PDPR: variants seen among roughly 807,000 people sequenced by gnomAD.
The protein encoded by PDPR is pyruvate dehydrogenase phosphatase regulatory subunit.
PDPR carries 50 observed loss-of-function variants against 102.2 expected under a neutral mutation model. That is an observed-to-expected ratio of 0.49 (90% CI 0.39 to 0.62). The LOEUF (loss-of-function observed/expected upper bound fraction) is 0.62. Among genes scored for constraint, PDPR ranks in the 20% least tolerant of loss-of-function variants. PDPR has a pLI of 0.00. For synonymous variants in PDPR, 259 were observed against 406.0 expected, an observed-to-expected ratio of 0.64 and a Z score of 4.35; for missense variants, 625 against 1,098.2, an observed-to-expected ratio of 0.57 and a Z score of 6.09.
chr16:70,118,134 G>A (rs1175686107), intron 2 of PDPR, among the ~76,000 whole-genome samples: 3 of 152,022 alleles, frequency 2.0e-5, no homozygotes, highest in South Asian at 4.1e-4. Flanking sequence ...AGCAAAAAGG[G>A]AGGGAAACGT....
chr16:70,163,217 G>A (rs1196566647), downstream of PDPR, among the ~76,000 whole-genome samples: 1 of 152,108 alleles, frequency 6.6e-6, no homozygotes, highest in African/African-American at 2.4e-5. Flanking sequence ...CAAAGTGCTG[G>A]GATTACAGGC....
chr16:70,130,488 G>A lies in PDPR; in HGVS notation c.673G>A (p.Val225Met). The change falls in exon 7 of 19, where the codon GTG (valine) becomes ATG (methionine). Residue 225 changes from valine (V) to methionine (M), a missense_variant. Physicochemically the swap from Val to Met is conservative, Grantham distance 21. Transcript: ENST00000288050. Reference sequence around the variant, plus strand: ...GGTCAAAAAAGGTCAAGTTACTGGAGTGGAGACCGATAAAGGACAGATTGA... The same window carrying A: ...GGTCAAAAAAGGTCAAGTTACTGGAATGGAGACCGATAAAGGACAGATTGA... ...VMVKKGQVTG[V>M]ETDKGQIECQ... 2 of 1,613,912 alleles carry A rather than the reference G, an allele frequency of 1.2e-6. No homozygotes were observed. Among genetic ancestry groups the A allele is most frequent in the Non-Finnish European group, 8.5e-7 (1 of 1,179,786 alleles).
chr16:70,136,699 G>A (rs1965175557), intron 10 of PDPR, among the ~76,000 whole-genome samples: 1 of 152,164 alleles, frequency 6.6e-6, no homozygotes, highest in African/African-American at 2.4e-5. Context: ...TTTGAGTTTG[G>A]TAGCCAAGTA....
intron 8 of PDPR, chr16:70,131,904 A>G: frequency 2.1e-6 from 3 of 1,462,602 alleles, no homozygotes; most frequent in African/African-American, 2.8e-5. Flanking sequence ...GGACTAGTCA[A>G]AGCTTCTAGG....
At chr16:70,137,180 A>G (rs1337854470) in intron 10 of PDPR, among the ~76,000 whole-genome samples, 1 of 152,202 alleles carries the variant, frequency 6.6e-6, no homozygotes, top group Non-Finnish European at 1.5e-5. Flanking sequence ...GTGAAACCCC[A>G]TCTCTACTAA....
At chr16:70,155,803 T>TTC (rs1967103015) in intron 18 of PDPR, among the ~76,000 whole-genome samples, 1 of 25,320 alleles carries the variant, frequency 3.9e-5, no homozygotes, top group Non-Finnish European at 7.3e-5. Flanking sequence ...TAAAAAAGTC[T>TTC]TTTTTTTTTT....
At chr16:70,141,505 A>G (rs1349158485) in intron 11 of PDPR, among the ~76,000 whole-genome samples, 1 of 152,282 alleles carries the variant, frequency 6.6e-6, no homozygotes, top group Non-Finnish European at 1.5e-5. Context: ...AAATGTCTGT[A>G]ACAGGTCTGA....
chr16:70,152,046 G>A (rs570885586), intron 17 of PDPR, among the ~76,000 whole-genome samples: 9 of 152,378 alleles, frequency 5.9e-5, no homozygotes, highest in Non-Finnish European at 8.8e-5. Context: ...CTAAAGGACC[G>A]GGCATTGAGC....
chr16:70,123,181 C>T (rs1963527448), intron 3 of PDPR, among the ~76,000 whole-genome samples: 1 of 152,256 alleles, frequency 6.6e-6, no homozygotes, highest in Non-Finnish European at 1.5e-5. Flanking sequence ...GGATTACAGG[C>T]ATGAGCCACC....
intron 3 of PDPR, 140 bp from the exon 4 acceptor site, chr16:70,127,120 G>A: frequency 4.0e-6 from 6 of 1,499,360 alleles, no homozygotes; most frequent in Non-Finnish European, 5.3e-6. Context: ...CTCCTAAAGT[G>A]CTGGGATTAT....
At position 70,120,612 on chromosome 16, in the gene PDPR, C is replaced by T. The variant is rs761008874; in HGVS notation, c.120C>T (p.Pro40=). 3 of 1,613,938 alleles carry T rather than the reference C, an allele frequency of 1.9e-6. No individual in the cohort carries two copies. The highest frequency in any genetic ancestry group is 2.2e-5 in the East Asian group (1 of 44,884). Residue 40 remains proline (P), a synonymous_variant, in exon 3 of 19, where the codon CCC becomes CCT. Transcript: ENST00000288050. ...CCGAGGCGCGTTCCATGGCCCTGCCCACCCAGGCACAGGTGGTCATCTGTG... is the reference window on the plus strand; with the variant it reads ...CCGAGGCGCGTTCCATGGCCCTGCCTACCCAGGCACAGGTGGTCATCTGTG... ...SAAEARSMAL[P]TQAQVVICGG...
chr16:70,150,930 G>A (rs923413799), intron 17 of PDPR, among the ~76,000 whole-genome samples: 1 of 152,188 alleles, frequency 6.6e-6, no homozygotes. Context: ...CAGATGCCCA[G>A]CTATCTTTTA....
At chr16:70,118,088 G>A (rs1962836042) in intron 2 of PDPR, among the ~76,000 whole-genome samples, 1 of 131,416 alleles carries the variant, frequency 7.6e-6, no homozygotes, top group South Asian at 2.3e-4. Flanking sequence ...GTGAGACTCT[G>A]TCTCAAAAAA....
At chr16:70,151,756 G>A (rs1220157162) in intron 17 of PDPR, among the ~76,000 whole-genome samples, 1 of 152,208 alleles carries the variant, frequency 6.6e-6, no homozygotes, top group Non-Finnish European at 1.5e-5. Flanking sequence ...TTTGTGCCAC[G>A]CTTGGGTTCT....
chr16:70,135,845 A>T (rs1371632395), intron 9 of PDPR, among the ~76,000 whole-genome samples: 1 of 152,256 alleles, frequency 6.6e-6, no homozygotes, highest in Non-Finnish European at 1.5e-5. Context: ...AGGCAGGCAG[A>T]TCACTTGAGG....
At chr16:70,116,816 A>G (rs1962689657) in intron 2 of PDPR, among the ~76,000 whole-genome samples, 1 of 152,000 alleles carries the variant, frequency 6.6e-6, no homozygotes, top group Non-Finnish European at 1.5e-5. Context: ...TGCTGAGATA[A>G]CAGGCGTGAG....
At chr16:70,115,953 G>A (rs1322646342) in intron 2 of PDPR, among the ~76,000 whole-genome samples, 1 of 152,046 alleles carries the variant, frequency 6.6e-6, no homozygotes, top group African/African-American at 2.4e-5. Flanking sequence ...TGGCGGCAAA[G>A]GCACTAGACT....
rs570278707 is a variant in PDPR, at chr16:70,122,012, A to C, written c.227+1293A>C. Among the ~76,000 whole-genome samples, 353 of 151,246 alleles carry C rather than the reference A, an allele frequency of 2.3e-3. 1 individual carries two copies. Among genetic ancestry groups the C allele is most frequent in the Non-Finnish European group, 4.1e-3 (280 of 67,794 alleles). ...TTTCTTTCTTTTTTTTTTGAAATGGAGTCTGGCTCTGTCACCCAGGCTGGA... is the reference window on the plus strand; with the variant it reads ...TTTCTTTCTTTTTTTTTTGAAATGGCGTCTGGCTCTGTCACCCAGGCTGGA... On this transcript the variant is annotated intron_variant, in intron 3 of 18. Coordinates refer to ENST00000288050, the MANE Select transcript of PDPR (RefSeq NM_017990.5).
Position 70,120,604 on chromosome 16 carries a change from G to C in PDPR, c.112G>C (p.Ala38Pro). The C allele has an allele frequency of 6.2e-7, 1 of 1,613,930 alleles. No individual in the cohort carries two copies. The highest frequency in any genetic ancestry group is 8.5e-7 in the Non-Finnish European group (1 of 1,179,826). ...STSAAEARSM[A>P]LPTQAQVVIC... Reference sequence around the variant, plus strand: ...GTCAGCTGCCGAGGCGCGTTCCATGGCCCTGCCCACCCAGGCACAGGTGGT... The same window carrying C: ...GTCAGCTGCCGAGGCGCGTTCCATGCCCCTGCCCACCCAGGCACAGGTGGT... The change falls in exon 3 of 19, where the codon GCC (alanine) becomes CCC (proline). Residue 38 changes from alanine (A) to proline (P), a missense_variant. Around this residue, in one of 11 missense-constraint regions of PDPR, gnomAD observed 84 missense variants for 87.7 expected, o/e 0.96. Transcript: ENST00000288050.
Sources: allele counts gnomAD v4.1 joint callset (sites outside exome capture counted in the v4.1 genomes callset), GRCh38; gene constraint gnomAD v4.1.1; regional missense constraint gnomAD v4.1.1; transcripts MANE v1.5; gene names NCBI Gene and HGNC (gene_info 2026-07-23, HGNC 2026-07-21).